FAM171A1: variants seen among roughly 807,000 people sequenced by gnomAD.
The protein encoded by FAM171A1 is protein FAM171A1.
Under a neutral mutation model 74.9 loss-of-function variants are expected in FAM171A1, and 23 were observed. The observed-to-expected ratio is 0.31, with a 90% CI of 0.22 to 0.44. The LOEUF is 0.44. FAM171A1 is among the 20% of genes least tolerant of loss of function. The pLI is 1.00. For missense variants in FAM171A1, 1,162 were observed against 1,159.2 expected (o/e 1.00, Z -0.03); for synonymous variants, 527 against 505.7 (o/e 1.04, Z -0.57).
At chr10:15,331,880 C>CATATATATAT (rs71390031) in intron 1 of FAM171A1, among the ~76,000 whole-genome samples, 13 of 59,676 alleles carry the variant, frequency 2.2e-4, no homozygotes, top group Non-Finnish European at 3.0e-4. Context: ...TGTGTGTATA[C>CATATATATAT]ATATATATAT....
At position 15,370,318 on chromosome 10, in the gene FAM171A1, G is replaced by T. The variant is rs149391966; in HGVS notation, c.97+638C>A. 9.6e-3 allele frequency among the ~76,000 whole-genome samples: 1,426 copies of T among 148,560 alleles called. 5 individuals carry two copies. The highest frequency in any genetic ancestry group is 0.015 in the Non-Finnish European group (994 of 67,508). ...TTCTTCCCTTACAGAGAAGACTCAT[G>T]GGCCGCTGAGCAAATCCCTTATGGT... On this transcript the variant is annotated intron_variant, in intron 1 of 7. Transcript: ENST00000378116.
chr10:15,254,897 C>CG lies in FAM171A1; in HGVS notation c.419-19dup. ...CCGGGCACCTGCAGAGATTAACCTC[C>CG]GAGTTATCTCCCCCAGGAGCAGTTT... On this transcript the variant is annotated intron_variant, in intron 3 of 7. Transcript: ENST00000378116. 6.2e-7 allele frequency: 1 copy of CG among 1,606,376 alleles called. No individual in the cohort carries two copies. Among genetic ancestry groups the CG allele is most frequent in the Non-Finnish European group, 8.5e-7 (1 of 1,174,210 alleles).
rs114712947 is a variant in FAM171A1 at position 15,247,953 on chromosome 10, A to C, written c.754+686T>G. Among the ~76,000 whole-genome samples the C allele has an allele frequency of 2.7e-3, 405 of 152,266 alleles. 4 individuals are homozygous for C. Among genetic ancestry groups the C allele is most frequent in the African/African-American group, 9.4e-3 (392 of 41,546 alleles). ...TCACACTCATTAGCCCCAGCTGAAC[A>C]CTGCTGGAGAGGACCACAGCCTTGA... On this transcript the variant is annotated intron_variant, in intron 5 of 7. Transcript: ENST00000378116.
At chr10:15,267,432 G>A (rs1403975616) in intron 3 of FAM171A1, among the ~76,000 whole-genome samples, 7 of 151,810 alleles carry the variant, frequency 4.6e-5, no homozygotes, top group African/African-American at 1.7e-4. Flanking sequence ...GTGAAACCAC[G>A]TCTCTACTAA....
intron 3 of FAM171A1, among the ~76,000 whole-genome samples, chr10:15,264,187 G>T (rs1834707455): frequency 6.6e-6 from 1 of 151,962 alleles, no homozygotes; most frequent in African/African-American, 2.4e-5. Context: ...GCCCAGTCTG[G>T]CTTGAACTCC....
intron 3 of FAM171A1, among the ~76,000 whole-genome samples, chr10:15,266,145 CT>C (rs1432108549): frequency 4.5e-4 from 68 of 152,208 alleles, no homozygotes; most frequent in African/African-American, 1.5e-3. Context: ...CCTTTCTGTT[CT>C]TCTACCTGGC....
intron 5 of FAM171A1, among the ~76,000 whole-genome samples, chr10:15,234,871 C>T (rs1037266552): frequency 1.3e-5 from 2 of 151,918 alleles, no homozygotes; most frequent in South Asian, 2.1e-4. Flanking sequence ...ACTGTGTTAG[C>T]CAGGATGGTC....
chr10:15,270,042 G>C (rs1430186172), intron 3 of FAM171A1, among the ~76,000 whole-genome samples: 1 of 152,194 alleles, frequency 6.6e-6, no homozygotes, highest in East Asian at 1.9e-4. Context: ...ACTGGGGCTT[G>C]TCGGACAGTA....
intron 1 of FAM171A1, among the ~76,000 whole-genome samples, chr10:15,287,220 T>A (rs1388433156): frequency 2.0e-5 from 3 of 149,948 alleles, no homozygotes; most frequent in Non-Finnish European, 4.4e-5. Flanking sequence ...GCCTCCCGAG[T>A]AGCTGGGAAT....
intron 1 of FAM171A1, among the ~76,000 whole-genome samples, chr10:15,297,578 A>C (rs997933256): frequency 3.3e-5 from 5 of 152,214 alleles, no homozygotes; most frequent in African/African-American, 1.2e-4. Flanking sequence ...CAACAGCACC[A>C]TGTTGCCAAG....
At chr10:15,292,117 G>T (rs1180216409) in intron 1 of FAM171A1, among the ~76,000 whole-genome samples, 4 of 152,234 alleles carry the variant, frequency 2.6e-5, no homozygotes, top group Admixed American at 2.6e-4. Flanking sequence ...TCCTCACGTG[G>T]TGGAAGGGAT....
intron 4 of FAM171A1, among the ~76,000 whole-genome samples, chr10:15,254,174 A>C (rs573803084): frequency 6.6e-6 from 1 of 152,096 alleles, no homozygotes; most frequent in African/African-American, 2.4e-5. Context: ...CAGAGGGCGG[A>C]GGCTCCCCAT....
chr10:15,318,028 C>T (rs1339275118), intron 1 of FAM171A1, among the ~76,000 whole-genome samples: 1 of 152,186 alleles, frequency 6.6e-6, no homozygotes, highest in African/African-American at 2.4e-5. Context: ...CTCTTGGGCT[C>T]AAGTGATCCT....
At chr10:15,357,835 C>A (rs1305980681) in intron 1 of FAM171A1, among the ~76,000 whole-genome samples, 1 of 152,082 alleles carries the variant, frequency 6.6e-6, no homozygotes, top group African/African-American at 2.4e-5. Flanking sequence ...GTATTCACTG[C>A]AAAATTTTTT....
At chr10:15,226,857 T>C (rs1213909879) in intron 5 of FAM171A1, among the ~76,000 whole-genome samples, 1 of 152,122 alleles carries the variant, frequency 6.6e-6, no homozygotes, top group Non-Finnish European at 1.5e-5. Flanking sequence ...TTATCAACTC[T>C]GCTCCCCCAC....
intron 1 of FAM171A1, among the ~76,000 whole-genome samples, chr10:15,320,199 C>A (rs1228590677): frequency 6.6e-6 from 1 of 152,182 alleles, no homozygotes; most frequent in Non-Finnish European, 1.5e-5. Flanking sequence ...GTTTAGCTCC[C>A]ACTTATAAGT....
intron 1 of FAM171A1, among the ~76,000 whole-genome samples, chr10:15,347,378 T>G (rs1564286909): frequency 6.6e-6 from 1 of 152,226 alleles, no homozygotes. Flanking sequence ...CGGAAATCGA[T>G]GCAGTCTGAC....
chr10:15,331,250 T>G (rs1382055213), intron 1 of FAM171A1, among the ~76,000 whole-genome samples: 1 of 152,128 alleles, frequency 6.6e-6, no homozygotes. Flanking sequence ...GCAACATCCC[T>G]GTGGAGGGGA....
At chr10:15,340,021 C>T (rs1835747937) in intron 1 of FAM171A1, among the ~76,000 whole-genome samples, 1 of 152,152 alleles carries the variant, frequency 6.6e-6, no homozygotes, top group South Asian at 2.1e-4. Flanking sequence ...CAATTATCTC[C>T]CACTGGGTCC....
Sources: gnomAD v4.1 joint callset for allele counts (sites outside exome capture counted in the v4.1 genomes callset) on GRCh38, gnomAD v4.1.1 for gene constraint, MANE v1.5 for transcripts, NCBI Gene and HGNC (gene_info 2026-07-23, HGNC 2026-07-21) for gene names.